Variants in ELP4 observed in about 807,000 individuals in gnomAD.
ELP4 encodes the protein elongator acetyltransferase complex subunit 4.
In ELP4, 51 loss-of-function variants were observed where a neutral mutation model predicts 48.9. The observed-to-expected ratio is 1.04, with a 90% CI of 0.83 to 1.32. The LOEUF (loss-of-function observed/expected upper bound fraction) is 1.32. Ranked by LOEUF, ELP4 falls within the 40% of genes most tolerant of loss-of-function variation. The probability of loss-of-function intolerance (pLI) is 0.00; values close to 1 mark genes in which losing one functional copy is unlikely to be tolerated. For missense variants in ELP4, 519 were observed against 514.6 expected (o/e 1.01, Z -0.08); for synonymous variants, 210 against 189.2 (o/e 1.11, Z -0.90).
chr11:31,553,755 CACACACACA>C (rs1431398459), intron 3 of ELP4, among the ~76,000 whole-genome samples: 1 of 151,694 alleles, frequency 6.6e-6, no homozygotes, highest in African/African-American at 2.4e-5. Flanking sequence ...CACACACACA[CACACACACA>C]CCCTATTGGT....
At chr11:31,751,337 C>T (rs747494424) in intron 9 of ELP4, among the ~76,000 whole-genome samples, 3 of 152,168 alleles carry the variant, frequency 2.0e-5, no homozygotes, top group Non-Finnish European at 2.9e-5. Flanking sequence ...TAATTTCAAA[C>T]GATACATACA....
intron 9 of ELP4, among the ~76,000 whole-genome samples, chr11:31,669,121 A>T (rs566034803): frequency 2.0e-5 from 3 of 150,422 alleles, no homozygotes; most frequent in East Asian, 3.9e-4. Context: ...TTATTTTGGG[A>T]TGGAGTCTCG....
intron 5 of ELP4, 82 bp downstream of exon 5, chr11:31,603,989 C>A: frequency 8.9e-7 from 1 of 1,129,588 alleles, no homozygotes; most frequent in Non-Finnish European, 1.3e-6. Context: ...TGAAAGAATA[C>A]ACATCTAAGG....
intron 9 of ELP4, among the ~76,000 whole-genome samples, chr11:31,717,327 C>T (rs1357415674): frequency 6.6e-6 from 1 of 152,192 alleles, no homozygotes; most frequent in African/African-American, 2.4e-5. Context: ...CTGTCGTCAA[C>T]AGAAATCATA....
chr11:31,539,592 C>T, intron 2 of ELP4, 70 bp from the exon 3 acceptor site: 1 of 1,468,242 alleles, frequency 6.8e-7, no homozygotes, highest in South Asian at 1.4e-5. Context: ...TATGAGTGTG[C>T]TTGCTGTTTG....
At chr11:31,738,534 G>A (rs915092739) in intron 9 of ELP4, among the ~76,000 whole-genome samples, 6 of 152,088 alleles carry the variant, frequency 3.9e-5, no homozygotes, top group African/African-American at 9.7e-5. Flanking sequence ...CTACGAGTTC[G>A]AAACAAGCCT....
intron 6 of ELP4, 75 bp downstream of exon 6, chr11:31,627,269 G>C: frequency 1.1e-5 from 1 of 91,998 alleles, no homozygotes; most frequent in Non-Finnish European, 2.4e-5. Context: ...GGGGGGGCGG[G>C]AACCCAGAAG....
chr11:31,697,364 A>G (rs1466806616), intron 9 of ELP4, among the ~76,000 whole-genome samples: 1 of 151,938 alleles, frequency 6.6e-6, no homozygotes, highest in Non-Finnish European at 1.5e-5. Flanking sequence ...CAGGGCTTTC[A>G]TTTCAGTTTC....
intron 9 of ELP4, among the ~76,000 whole-genome samples, chr11:31,655,316 A>T (rs1945408577): frequency 6.6e-6 from 1 of 151,974 alleles, no homozygotes; most frequent in Admixed American, 6.6e-5. Flanking sequence ...AGGAGAACAC[A>T]GTTTTGAGAA....
chr11:31,750,090 T>G (rs1368707625), intron 9 of ELP4, among the ~76,000 whole-genome samples: 1 of 152,044 alleles, frequency 6.6e-6, no homozygotes, highest in Non-Finnish European at 1.5e-5. Flanking sequence ...GGTCTCAATC[T>G]TCTGACCTTG....
chr11:31,549,569 G>T (rs1364926878), intron 3 of ELP4, among the ~76,000 whole-genome samples: 1 of 151,836 alleles, frequency 6.6e-6, no homozygotes, highest in Non-Finnish European at 1.5e-5. Flanking sequence ...CATTGTGGAA[G>T]TCAGTGTGGT....
intron 7 of ELP4, among the ~76,000 whole-genome samples, chr11:31,641,589 T>A (rs988121419): frequency 3.8e-4 from 58 of 152,012 alleles, no homozygotes; most frequent in African/African-American, 1.3e-3. Flanking sequence ...TTACATAATT[T>A]ATTGATAGTA....
At chr11:31,512,838 G>GTATA (rs1956035983) in intron 1 of ELP4, among the ~76,000 whole-genome samples, 2 of 109,140 alleles carry the variant, frequency 1.8e-5, no homozygotes, top group African/African-American at 7.2e-5. Flanking sequence ...CCTGTAAAAG[G>GTATA]TATATACTCC....
chr11:31,779,225 T>C (rs1264589113), intron 9 of ELP4, among the ~76,000 whole-genome samples: 1 of 152,216 alleles, frequency 6.6e-6, no homozygotes, highest in Non-Finnish European at 1.5e-5. Flanking sequence ...AAACAAACAG[T>C]GCCTGATGGT....
chr11:31,686,328 GT>G lies in ELP4; in HGVS notation c.1143+36124del, dbSNP rs376488709. Among the ~76,000 whole-genome samples the G allele has an allele frequency of 4.1e-3, 501 of 122,504 alleles. 2 individuals carry two copies. Among genetic ancestry groups the G allele is most frequent in the African/African-American group, 9.0e-3 (299 of 33,240 alleles). The allele number at this position is 122,504 out of a possible 152,430, so 80.4% of individuals were successfully genotyped here. ...TGATTTTTCATGATCTTGTGGGTTGGTTTTTTTTTTTTTTTTTGGTATGGAA... is the reference window on the plus strand; with the variant it reads ...TGATTTTTCATGATCTTGTGGGTTGGTTTTTTTTTTTTTTTTGGTATGGAA... On this transcript the variant is annotated intron_variant, in intron 9 of 9. Coordinates refer to ENST00000640961, the MANE Select transcript of ELP4 (RefSeq NM_019040.5).
intron 9 of ELP4, among the ~76,000 whole-genome samples, chr11:31,766,382 A>T (rs1485435683): frequency 2.6e-5 from 4 of 152,146 alleles, no homozygotes; most frequent in Admixed American, 2.0e-4. Flanking sequence ...TTAGTGTAAG[A>T]TAAATACATA....
At chr11:31,641,535 A>G (rs1329385561) in intron 7 of ELP4, among the ~76,000 whole-genome samples, 9 of 151,912 alleles carry the variant, frequency 5.9e-5, no homozygotes. Context: ...GGTGAAAATA[A>G]GACACCCTGA....
chr11:31,546,904 G>C (rs1956732254), intron 3 of ELP4, among the ~76,000 whole-genome samples: 1 of 152,154 alleles, frequency 6.6e-6, no homozygotes, highest in African/African-American at 2.4e-5. Flanking sequence ...ATAACAAAAT[G>C]AAGGCAGAAA....
intron 2 of ELP4, among the ~76,000 whole-genome samples, chr11:31,537,383 A>T (rs915960576): frequency 8.5e-5 from 12 of 141,026 alleles, no homozygotes; most frequent in African/African-American, 3.3e-4. Flanking sequence ...CTAATTCCAC[A>T]TTACCTTGAT....
Sources: gnomAD v4.1 joint callset for allele counts (sites outside exome capture counted in the v4.1 genomes callset) on GRCh38, gnomAD v4.1.1 for gene constraint, MANE v1.5 for transcripts, NCBI Gene and HGNC (gene_info 2026-07-23, HGNC 2026-07-21) for gene names.